The following RNF6 variants were observed in gnomAD, a reference collection of about 807,000 sequenced individuals.
The protein encoded by RNF6 is E3 ubiquitin-protein ligase RNF6.
Under a neutral mutation model 50.1 loss-of-function variants are expected in RNF6, and 21 were observed. The observed-to-expected ratio is 0.42, with a 90% CI of 0.30 to 0.60. The LOEUF (loss-of-function observed/expected upper bound fraction) is 0.60, where lower values mean the gene tolerates loss of function less well. RNF6 is among the 20% of genes least tolerant of loss of function. RNF6 has a pLI of 0.20. For synonymous variants in RNF6, 255 were observed against 291.8 expected (o/e 0.87, Z 1.29); for missense variants, 698 against 838.2 (o/e 0.83, Z 2.07).
chr13:26,207,439 AAT>A (rs1473735084), intron 5 of RNF6, among the ~76,000 whole-genome samples: 8 of 152,182 alleles, frequency 5.3e-5, no homozygotes, highest in Admixed American at 3.9e-4. Context: ...TTGGAAACAG[AAT>A]ATGAGACTAC....
intron 5 of RNF6, among the ~76,000 whole-genome samples, chr13:26,197,922 A>C (rs1428883219): frequency 2.0e-5 from 3 of 151,882 alleles, no homozygotes; most frequent in Admixed American, 1.3e-4. Context: ...AAGCCCCCGT[A>C]ACATCTTGGA....
chr13:26,193,331 T>C (rs1375506562), intron 5 of RNF6, among the ~76,000 whole-genome samples: 3 of 151,460 alleles, frequency 2.0e-5, no homozygotes, highest in Non-Finnish European at 4.4e-5. Context: ...AGCCAGGAGA[T>C]TGAGAAGAGG....
At chr13:26,212,072 A>G (rs1869349758), downstream of RNF6, among the ~76,000 whole-genome samples, 1 of 152,166 alleles carries the variant, frequency 6.6e-6, no homozygotes, top group Non-Finnish European at 1.5e-5. Flanking sequence ...TAATAAAAAT[A>G]ATGATGTCTT....
In RNF6 at chr13:26,181,602, A is replaced by C. The variant is rs1219332120; in HGVS notation, n.768+33872T>G. ...GCCTGCATTCAGTTTCAGAGCTGTC[A>C]GTAAACCAAGCTATACCATTGGTAG... is the stretch of plus-strand genomic sequence containing the variant. On this transcript the variant is annotated intron_variant and non_coding_transcript_variant, in intron 5 of 5. Coordinates refer to the RNF6 transcript ENST00000468480. Among the ~76,000 whole-genome samples the C allele has an allele frequency of 3.3e-5, 5 of 152,366 alleles. No homozygotes were observed. The East Asian group carries it at 9.6e-4, about 29-fold the overall frequency.
intron 5 of RNF6, among the ~76,000 whole-genome samples, chr13:26,151,070 A>G (rs1223414563): frequency 2.6e-5 from 4 of 152,252 alleles, no homozygotes; most frequent in African/African-American, 9.6e-5. Context: ...AAGTCTTAGC[A>G]TATTAAAACT....
chr13:26,143,341 A>G (rs576362769), intron 5 of RNF6, among the ~76,000 whole-genome samples: 2 of 152,222 alleles, frequency 1.3e-5, no homozygotes, highest in South Asian at 2.1e-4. Flanking sequence ...AGGATCAATC[A>G]CCCCATCCAG....
intron 2 of RNF6, among the ~76,000 whole-genome samples, 163 bp from the exon 3 acceptor site, chr13:26,219,830 C>CA (rs1461283069): frequency 1.1e-4 from 16 of 152,140 alleles, no homozygotes; most frequent in African/African-American, 3.6e-4. Flanking sequence ...AAATGAAAAA[C>CA]AGCTTCTAGG....
chr13:26,201,808 T>A lies in RNF6; in HGVS notation n.768+13666A>T, dbSNP rs76523439. 2.3e-3 allele frequency among the ~76,000 whole-genome samples: 344 copies of A among 152,256 alleles called. 14 individuals carry two copies. The East Asian group carries it at 0.058, about 26-fold the overall frequency. On this transcript the variant is annotated intron_variant and non_coding_transcript_variant, in intron 5 of 5. Transcript: ENST00000468480. ...CTCAGATTCCTAAAATAATAACTTATGGTTAAATGAGGCCCATTACATGCC... is the reference window on the plus strand; with the variant it reads ...CTCAGATTCCTAAAATAATAACTTAAGGTTAAATGAGGCCCATTACATGCC...
chr13:26,212,274 C>T (rs972208036), downstream of RNF6, among the ~76,000 whole-genome samples: 1 of 152,188 alleles, frequency 6.6e-6, no homozygotes, highest in Admixed American at 6.5e-5. Flanking sequence ...GAAAAGCCTT[C>T]AAATCTGATT....
intron 5 of RNF6, among the ~76,000 whole-genome samples, chr13:26,144,077 T>C (rs1871103803): frequency 6.6e-6 from 1 of 152,128 alleles, no homozygotes; most frequent in Non-Finnish European, 1.5e-5. Flanking sequence ...TGAGGAATCC[T>C]ATCATATCAG....
intron 5 of RNF6, among the ~76,000 whole-genome samples, chr13:26,194,027 T>A (rs745466063): frequency 6.6e-6 from 1 of 152,180 alleles, no homozygotes; most frequent in Admixed American, 6.5e-5. Context: ...AATAGTTACC[T>A]AGGATGATGG....
At chr13:26,174,133 G>A (rs1872836786) in intron 5 of RNF6, among the ~76,000 whole-genome samples, 1 of 152,044 alleles carries the variant, frequency 6.6e-6, no homozygotes, top group South Asian at 2.1e-4. Context: ...CTTTTAAGCA[G>A]CAGGTAAATT....
chr13:26,206,626 A>G (rs1869119581), intron 5 of RNF6, among the ~76,000 whole-genome samples: 1 of 152,222 alleles, frequency 6.6e-6, no homozygotes, highest in Non-Finnish European at 1.5e-5. Context: ...AACATCTGAT[A>G]TTATTTCTAT....
intron 5 of RNF6, among the ~76,000 whole-genome samples, chr13:26,185,458 G>A (rs1455258653): frequency 1.3e-5 from 2 of 151,868 alleles, no homozygotes; most frequent in Non-Finnish European, 2.9e-5. Context: ...AAAAAAAGTT[G>A]TTACTTGGCT....
intron 5 of RNF6, among the ~76,000 whole-genome samples, chr13:26,173,376 G>C (rs1057355794): frequency 6.6e-6 from 1 of 152,150 alleles, no homozygotes; most frequent in Non-Finnish European, 1.5e-5. Flanking sequence ...AAATACTGTA[G>C]AGACATTAAA....
chr13:26,200,594 C>A (rs1035316717), intron 5 of RNF6, among the ~76,000 whole-genome samples: 5 of 152,020 alleles, frequency 3.3e-5, no homozygotes, highest in African/African-American at 1.2e-4. Context: ...TTAGTAGAGA[C>A]AAGTTTCACC....
At chr13:26,180,633 G>T (rs1362789793) in intron 5 of RNF6, among the ~76,000 whole-genome samples, 2 of 152,204 alleles carry the variant, frequency 1.3e-5, no homozygotes, top group African/African-American at 4.8e-5. Context: ...GATGTTTAAA[G>T]TCTGTCTCTG....
Position 26,149,931 on chromosome 13 carries a change from T to C in RNF6, n.769-17480A>G, listed in dbSNP as rs1416554965. 8.4e-5 allele frequency among the ~76,000 whole-genome samples: 8 copies of C among 95,236 alleles called. 1 individual carries two copies. The highest frequency in any genetic ancestry group is 3.0e-4 in the African/African-American group (8 of 26,308). 62.5% of individuals were successfully genotyped at this position (95,236 alleles called of 152,430 possible). A position where few individuals can be genotyped will look rare whatever the true frequency, so the allele number is the denominator to read the frequency against. The stretch of plus-strand genomic sequence containing the variant: ...TGTATATATAATGTGTATATATATA[T>C]ACACAGTGTATATATAATGTGTATA... On this transcript the variant is annotated intron_variant and non_coding_transcript_variant, in intron 5 of 5. Transcript: ENST00000468480.
At chr13:26,165,783 G>A (rs1003022319) in intron 5 of RNF6, among the ~76,000 whole-genome samples, 1 of 152,212 alleles carries the variant, frequency 6.6e-6, no homozygotes, top group African/African-American at 2.4e-5. Context: ...TATACCCAAT[G>A]CCTATACTCC....
Sources: gnomAD v4.1 joint callset for allele counts (sites outside exome capture counted in the v4.1 genomes callset) on GRCh38, gnomAD v4.1.1 for gene constraint, MANE v1.5 for transcripts, NCBI Gene and HGNC (gene_info 2026-07-23, HGNC 2026-07-21) for gene names.